Variants in CHD4 observed in about 807,000 individuals in gnomAD.
CHD4 encodes the protein chromodomain helicase DNA binding protein 4, also known as ATP-dependent chromatin remodeler CHD4.
In CHD4, 35 loss-of-function variants were observed where a neutral mutation model predicts 235.5. The observed-to-expected ratio is 0.15, with a 90% CI of 0.11 to 0.20. CHD4 has a LOEUF of 0.20. Ranked by LOEUF, CHD4 falls within the 10% of genes least tolerant of loss-of-function variation. The pLI, the probability that CHD4 is intolerant of heterozygous loss-of-function variation, is 1.00. For synonymous variants in CHD4, 900 were observed against 850.2 expected (o/e 1.06, Z -1.02); for missense variants, 1,329 against 2,432.3 (o/e 0.55, Z 9.54).
Position 6,587,476 on chromosome 12 carries a change from C to G in CHD4, c.3787G>C (p.Asp1263His), listed in dbSNP as rs1214385251. Residue 1263 changes from aspartate (D) to histidine (H), a missense_variant, in exon 25 of 40, where the codon GAT becomes CAT. By Grantham distance (81) the Asp-to-His change is moderately conservative (BLOSUM62 -1). This residue lies in a region of CHD4 where 21 missense variants were observed against 53.5 expected (regional missense o/e 0.39). Coordinates refer to ENST00000544040, the MANE Select transcript of CHD4 (RefSeq NM_001273.5). Reference sequence around the variant, plus strand: ...TGCAATTCTGTGTCTTCAGTCTCATCCTGGTTACGGTCTAGCAGCCGTTCA... The same window carrying G: ...TGCAATTCTGTGTCTTCAGTCTCATGCTGGTTACGGTCTAGCAGCCGTTCA... ...AIERLLDRNQDETEDTELQGM... is the reference protein window; with the variant it reads ...AIERLLDRNQHETEDTELQGM... 2 of 1,614,198 alleles carry G rather than the reference C, an allele frequency of 1.2e-6. No homozygotes were observed. Among genetic ancestry groups the G allele is most frequent in the Non-Finnish European group, 1.7e-6 (2 of 1,180,036 alleles).
In CHD4 at chr12:6,593,490, C is replaced by T; in HGVS notation, c.2440G>A (p.Ala814Thr). The change falls in exon 16 of 40, where the codon GCC (alanine) becomes ACC (threonine). Residue 814 changes from alanine (A) to threonine (T), a missense_variant. Ala to Thr is a moderately conservative substitution (Grantham distance 58). This residue lies in a region of CHD4 where 78 missense variants were observed against 174.8 expected (regional missense o/e 0.45). Coordinates refer to ENST00000544040, the MANE Select transcript of CHD4 (RefSeq NM_001273.5). This position sits in a 1 kb window ranked among gnomAD's most constrained non-coding sequence, Gnocchi z 4.9. Reference protein sequence around the residue: ...VTYVGDKDSRAIIRENEFSFE... With the variant: ...VTYVGDKDSRTIIRENEFSFE... ...GAGAACTCATTCTCTCGGATGATGG[C>T]ACGGCTGTCCTTGTCACCCACATAG... The T allele has an allele frequency of 6.2e-7, 1 of 1,614,168 alleles. No homozygotes were observed.
chr12:6,599,647 A>T (rs7303399), intron 10 of CHD4, 126 bp downstream of exon 10: 162,492 of 1,176,662 alleles, frequency 0.14, 12,415 homozygotes, highest in Non-Finnish European at 0.16. Flanking sequence ...CTATAGGATG[A>T]AGGAGAATAC....
chr12:6,576,664 G>C (rs1475018473), intron 37 of CHD4, among the ~76,000 whole-genome samples: 1 of 151,994 alleles, frequency 6.6e-6, no homozygotes, highest in African/African-American at 2.4e-5. Context: ...GGAGTGCAGT[G>C]GTGCGATCTC....
chr12:6,587,691 G>C lies in CHD4; in HGVS notation c.3703+21C>G, dbSNP rs367601246. Reference sequence around the variant, plus strand: ...GAGAGGCCAAGCCCCACACCAAAACGTAAGTTCCTGACTACCTCACCTCCA... The same window carrying C: ...GAGAGGCCAAGCCCCACACCAAAACCTAAGTTCCTGACTACCTCACCTCCA... On this transcript the variant is annotated intron_variant, in intron 24 of 39. Transcript: ENST00000544040. 1.9e-5 allele frequency: 30 copies of C among 1,611,616 alleles called. No individual in the cohort carries two copies. The African/African-American group carries it at 1.9e-4, about 10-fold the overall frequency.
In CHD4 at chr12:6,581,666, G is replaced by A. The variant is rs1164516240; in HGVS notation, c.4664C>T (p.Ala1555Val). 1.1e-5 allele frequency: 17 copies of A among 1,612,966 alleles called. No homozygotes were observed. Among genetic ancestry groups the A allele is most frequent in the Non-Finnish European group, 1.3e-5 (15 of 1,179,270 alleles). The change falls in exon 31 of 40, where the codon GCA (alanine) becomes GTA (valine). Residue 1555 changes from alanine (A) to valine (V), a missense_variant. Ala to Val is a moderately conservative substitution (Grantham distance 64). Coordinates refer to ENST00000544040, the MANE Select transcript of CHD4 (RefSeq NM_001273.5). ...TPGDTQPNTP[A>V]PVPPAEDGIK... is the part of the protein sequence containing the mutation. Reference sequence around the variant, plus strand: ...AGACTTACCAGCAGGTGGGACAGGTGCAGGAGTGTTGGGCTGCGTGTCCCC... The same window carrying A: ...AGACTTACCAGCAGGTGGGACAGGTACAGGAGTGTTGGGCTGCGTGTCCCC...
chr12:6,581,505 T>C (rs1182819637), intron 31 of CHD4, 117 bp from the exon 32 acceptor site: 2 of 1,513,426 alleles, frequency 1.3e-6, no homozygotes, highest in African/African-American at 2.7e-5. Flanking sequence ...GAGCCAGCCC[T>C]ATTCTTAGGA....
rs1287307700 is a variant in CHD4, at chr12:6,601,995, CCTCCTT to C, written c.397_402del (p.Lys133_Glu134del). 1.9e-6 allele frequency: 3 copies of C among 1,610,360 alleles called. No homozygotes were observed. The highest frequency in any genetic ancestry group is 1.7e-5 in the Admixed American group (1 of 59,982). On this transcript the variant is annotated inframe_deletion, in exon 4 of 40. Transcript: ENST00000544040. The stretch of plus-strand genomic sequence containing the variant: ...TCATCATCATCCTCCTCCTCCTCCT[CCTCCTT>C]CCGCTTGGATTTGCTCTTCTTCTCT...
chr12:6,589,694 G>A, intron 22 of CHD4, among the ~76,000 whole-genome samples: 1 of 151,714 alleles, frequency 6.6e-6, no homozygotes, highest in East Asian at 1.9e-4. Context: ...TTGAACCCGG[G>A]AGGCAGAGGT....
intron 37 of CHD4, among the ~76,000 whole-genome samples, chr12:6,574,840 C>T (rs772259594): frequency 3.3e-5 from 5 of 152,202 alleles, no homozygotes; most frequent in Non-Finnish European, 7.3e-5. Flanking sequence ...TACCTCAAAT[C>T]CAGTAAGTCA....
At chr12:6,577,722 T>G in intron 37 of CHD4, 63 bp downstream of exon 37, 1 of 1,600,972 alleles carries the variant, frequency 6.2e-7, no homozygotes, top group South Asian at 1.1e-5. Flanking sequence ...CTCCCTCTGC[T>G]GCAGGACGTT....
In CHD4 at chr12:6,593,896, C is replaced by T. The variant is rs1002234562; in HGVS notation, c.2314-280G>A. Among the ~76,000 whole-genome samples the T allele has an allele frequency of 1.2e-3, 185 of 152,246 alleles. No individual in the cohort carries two copies. Among genetic ancestry groups the T allele is most frequent in the African/African-American group, 4.0e-3 (168 of 41,558 alleles). ...TGTTGCCCAGGCTGGAGTGCAATGG[C>T]GCAATCTCAGCTCACTGCAACCTCC... On this transcript the variant is annotated intron_variant, in intron 15 of 39. Transcript: ENST00000544040. The surrounding 1 kb of genome is among the most constrained non-coding windows in gnomAD (Gnocchi z 4.9).
intron 14 of CHD4, 98 bp downstream of exon 14, chr12:6,595,225 GCTACAAAGTTA>G: frequency 1.1e-6 from 1 of 911,128 alleles, no homozygotes; most frequent in South Asian, 1.6e-5. Flanking sequence ...AGTAATCTCA[GCTACAAAGTTA>G]CTATCTGCAT....
At chr12:6,579,007 T>C in intron 33 of CHD4, 90 bp from the exon 34 acceptor site, 1 of 1,225,994 alleles carries the variant, frequency 8.2e-7, no homozygotes. Flanking sequence ...GACCCACATC[T>C]AAATGTCTGC....
intron 38 of CHD4, 161 bp downstream of exon 38, chr12:6,572,913 G>T: frequency 6.3e-6 from 4 of 635,916 alleles, no homozygotes; most frequent in African/African-American, 3.8e-5. Context: ...GTCCTTGATT[G>T]CCTCTAAGAT....
At chr12:6,599,730 T>G in intron 10 of CHD4, 43 bp downstream of exon 10, 1 of 1,613,142 alleles carries the variant, frequency 6.2e-7, no homozygotes, top group Non-Finnish European at 8.5e-7. Context: ...TAGAAAAGAC[T>G]ACACTTTCCC....
At chr12:6,603,426 GAGA>G (rs1394722086) in intron 2 of CHD4, among the ~76,000 whole-genome samples, 2 of 152,114 alleles carry the variant, frequency 1.3e-5, no homozygotes, top group Non-Finnish European at 1.5e-5. Context: ...AAGGAGTGGA[GAGA>G]AGAAGGGAGT....
chr12:6,574,766 A>C (rs1487075309), intron 37 of CHD4, among the ~76,000 whole-genome samples: 1 of 152,184 alleles, frequency 6.6e-6, no homozygotes, highest in East Asian at 1.9e-4. Context: ...TCTCTTCTTA[A>C]ATGACAATTT....
chr12:6,592,835 G>GA lies in CHD4; in HGVS notation c.2653-19dup, dbSNP rs1948423537. 6 of 1,604,474 alleles carry GA rather than the reference G, an allele frequency of 3.7e-6. No individual in the cohort carries two copies. The highest frequency in any genetic ancestry group is 5.1e-6 in the Non-Finnish European group (6 of 1,177,204). On this transcript the variant is annotated intron_variant, in intron 17 of 39. Coordinates refer to ENST00000544040, the MANE Select transcript of CHD4 (RefSeq NM_001273.5). ...CGGAAGAACTGGTGAAGCAGATGGA[G>GA]AAAGGTGAAATCCAATGAAAACAGA...
At chr12:6,590,197 CGAA>C (rs1358307425) in intron 22 of CHD4, 2 of 137,334 alleles carry the variant, frequency 1.5e-5, no homozygotes, top group Non-Finnish European at 3.0e-5. Flanking sequence ...GACTCCATCC[CGAA>C]GAAGAAAAAA....
Sources: allele counts gnomAD v4.1 joint callset (sites outside exome capture counted in the v4.1 genomes callset), GRCh38; gene constraint gnomAD v4.1.1; regional missense constraint gnomAD v4.1.1; non-coding constraint Gnocchi (gnomAD v3.1); transcripts MANE v1.5; gene names NCBI Gene and HGNC (gene_info 2026-07-23, HGNC 2026-07-21).